CCR3: variants seen among roughly 807,000 people sequenced by gnomAD.
CCR3 encodes C-C chemokine receptor type 3.
For missense variants in CCR3, 419 were observed against 437.5 expected, an observed-to-expected ratio of 0.96 and a Z score of 0.38; for synonymous variants, 203 against 179.2, an observed-to-expected ratio of 1.13 and a Z score of -1.06.
chr3:46,211,217 T>TTG (rs143443293), intron 2 of CCR3, among the ~76,000 whole-genome samples: 4 of 140,340 alleles, frequency 2.9e-5, no homozygotes, highest in Admixed American at 7.0e-5. Context: ...TTTTTTTTTT[T>TTG]AGACAAGGTC....
At chr3:46,254,520 G>T (rs567510156) in intron 1 of CCR3, among the ~76,000 whole-genome samples, 1 of 152,258 alleles carries the variant, frequency 6.6e-6, no homozygotes, top group South Asian at 2.1e-4. Context: ...TAGGGGAACA[G>T]GTGGTGTTTG....
intron 1 of CCR3, chr3:46,264,517 G>T: frequency 9.7e-7 from 1 of 1,026,512 alleles, no homozygotes; most frequent in South Asian, 1.4e-5. Context: ...CTAGTGACAG[G>T]AGAAATGGAC....
intron 2 of CCR3, among the ~76,000 whole-genome samples, chr3:46,211,310 C>T (rs1031388706): frequency 6.6e-6 from 1 of 151,084 alleles, no homozygotes; most frequent in Non-Finnish European, 1.5e-5. Flanking sequence ...GTGATCCTCC[C>T]ACTTCAGTCT....
chr3:46,247,298 T>A (rs968645531), intron 1 of CCR3, among the ~76,000 whole-genome samples: 3 of 152,064 alleles, frequency 2.0e-5, no homozygotes, highest in Non-Finnish European at 4.4e-5. Context: ...GGATGACAAG[T>A]TTTTTTGGGG....
upstream of CCR3, among the ~76,000 whole-genome samples, chr3:46,239,559 G>T (rs769680153): frequency 6.6e-6 from 1 of 152,264 alleles, no homozygotes; most frequent in East Asian, 1.9e-4. Flanking sequence ...CTAAATCCCA[G>T]GTGCCTTCTA....
intron 2 of CCR3, among the ~76,000 whole-genome samples, chr3:46,225,974 C>CA (rs1699889919): frequency 6.6e-6 from 1 of 152,032 alleles, no homozygotes; most frequent in African/African-American, 2.4e-5. Context: ...ACACCTTTGT[C>CA]AAAAAACAGT....
intron 2 of CCR3, among the ~76,000 whole-genome samples, chr3:46,233,804 A>G (rs1234729229): frequency 6.6e-6 from 1 of 152,254 alleles, no homozygotes; most frequent in African/African-American, 2.4e-5. Context: ...GAAGGGCAAC[A>G]GGCAACTCTT....
At chr3:46,242,922 C>A (rs1700109673) in intron 1 of CCR3, among the ~76,000 whole-genome samples, 1 of 143,010 alleles carries the variant, frequency 7.0e-6, no homozygotes. Context: ...TTTATATTGA[C>A]TTGTAAGAAA....
intron 1 of CCR3, among the ~76,000 whole-genome samples, chr3:46,247,176 T>C (rs1700213551): frequency 6.6e-6 from 1 of 152,094 alleles, no homozygotes; most frequent in Admixed American, 6.5e-5. Flanking sequence ...CGAGGAGATA[T>C]CAGCTGTGAT....
At position 46,266,363 on chromosome 3, in the gene CCR3, C is replaced by T. The variant is rs41504050; in HGVS notation, c.*137C>T. On this transcript the variant is annotated 3_prime_UTR_variant, in exon 2 of 2. Coordinates refer to ENST00000395940, the MANE Select transcript of CCR3 (RefSeq NM_178329.3). ...AAGCTCTTGAAGACACTGAAATATA[C>T]ACACAGCAGTAGCAGTAGATGCATG... The T allele has an allele frequency of 1.0e-3, 650 of 630,854 alleles. 6 individuals are homozygous for T. The African/African-American group carries it at 0.011, about 11-fold the overall frequency. The allele number at this position is 630,854 out of a possible 1,614,324, so 39.1% of individuals were successfully genotyped here.
At chr3:46,246,903 G>A (rs544689200) in intron 1 of CCR3, among the ~76,000 whole-genome samples, 174 of 152,046 alleles carry the variant, frequency 1.1e-3, no homozygotes, top group Middle Eastern at 6.8e-3. Context: ...CTGAAGGGAG[G>A]TCTTGTGGTA....
chr3:46,251,359 A>G (rs569432880), intron 1 of CCR3, among the ~76,000 whole-genome samples: 5 of 152,110 alleles, frequency 3.3e-5, no homozygotes, highest in Non-Finnish European at 5.9e-5. Context: ...ATTGAAATTA[A>G]GAGAAGGGAG....
chr3:46,263,458 T>C (rs2125935981), intron 1 of CCR3: 1 of 155,266 alleles, frequency 6.4e-6, no homozygotes, highest in South Asian at 2.0e-4. Flanking sequence ...AAACCATTTG[T>C]TCCTCAGTCC....
intron 1 of CCR3, among the ~76,000 whole-genome samples, chr3:46,252,496 G>C (rs1007602609): frequency 6.6e-6 from 1 of 152,014 alleles, no homozygotes; most frequent in African/African-American, 2.4e-5. Context: ...TCTCTTATCA[G>C]ACAGCACAGA....
intron 2 of CCR3, among the ~76,000 whole-genome samples, chr3:46,235,792 C>G (rs571183492): frequency 1.3e-5 from 2 of 152,334 alleles, no homozygotes; most frequent in Non-Finnish European, 2.9e-5. Context: ...TTCAGCAGCT[C>G]AAAACAGCAG....
intron 2 of CCR3, among the ~76,000 whole-genome samples, chr3:46,212,056 A>G (rs1699720892): frequency 6.6e-6 from 1 of 152,026 alleles, no homozygotes; most frequent in Non-Finnish European, 1.5e-5. Flanking sequence ...TGACCTGCAC[A>G]CATCATCCAT....
rs572077387 is a variant in CCR3 at position 46,255,574 on chromosome 3, A to G, written c.-11-9574A>G. On this transcript the variant is annotated intron_variant, in intron 1 of 1. Transcript: ENST00000395940. Reference sequence around the variant, plus strand: ...ATCCATCTTGGGTTGATTTTTGTCTATGGTGAGAGATGAGGATCCAGTTTC... The same window carrying G: ...ATCCATCTTGGGTTGATTTTTGTCTGTGGTGAGAGATGAGGATCCAGTTTC... Among the ~76,000 whole-genome samples the G allele has an allele frequency of 4.3e-4, 65 of 152,256 alleles. No individual in the cohort carries two copies. The Middle Eastern group carries it at 0.01, about 24-fold the overall frequency.
intron 1 of CCR3, among the ~76,000 whole-genome samples, chr3:46,254,301 C>T (rs944401694): frequency 1.1e-4 from 17 of 152,162 alleles, no homozygotes; most frequent in Admixed American, 6.5e-5. Flanking sequence ...AGAAACTTTA[C>T]ATTTGTCAAA....
upstream of CCR3, among the ~76,000 whole-genome samples, chr3:46,238,994 A>G (rs1700050183): frequency 6.6e-6 from 1 of 152,156 alleles, no homozygotes; most frequent in South Asian, 2.1e-4. Context: ...AGGTGTGAAA[A>G]TGTCCTGTAT....
Sources: gnomAD v4.1 joint callset for allele counts (sites outside exome capture counted in the v4.1 genomes callset) on GRCh38, gnomAD v4.1.1 for gene constraint, MANE v1.5 for transcripts, NCBI Gene and HGNC (gene_info 2026-07-23, HGNC 2026-07-21) for gene names.